LSAMP: variants seen among roughly 807,000 people sequenced by gnomAD.
LSAMP encodes the protein limbic system-associated membrane protein.
In LSAMP, 7 loss-of-function variants were observed where a neutral mutation model predicts 38.6. That is an observed-to-expected ratio of 0.18 (90% CI 0.10 to 0.34). LSAMP has a LOEUF of 0.34. Among genes scored for constraint, LSAMP ranks in the 10% least tolerant of loss-of-function variants. The probability of loss-of-function intolerance (pLI) is 1.00; values close to 1 mark genes in which losing one functional copy is unlikely to be tolerated. For synonymous variants in LSAMP, 154 were observed against 166.8 expected, an observed-to-expected ratio of 0.92 and a Z score of 0.59; for missense variants, 313 against 420.0, an observed-to-expected ratio of 0.75 and a Z score of 2.23.
chr3:115,827,858 C>A (rs1328707416), intron 6 of LSAMP, among the ~76,000 whole-genome samples: 1 of 152,176 alleles, frequency 6.6e-6, no homozygotes, highest in Non-Finnish European at 1.5e-5. Context: ...AGGTGTGTTT[C>A]TTCACAGCAG....
intron 1 of LSAMP, among the ~76,000 whole-genome samples, chr3:116,403,697 G>A (rs970833832): frequency 3.3e-5 from 5 of 151,830 alleles, no homozygotes; most frequent in African/African-American, 1.2e-4. Flanking sequence ...TCTCATACAT[G>A]ATTGATTAAC....
chr3:116,366,035 A>AAG (rs2048348332), intron 1 of LSAMP, among the ~76,000 whole-genome samples: 2 of 144,720 alleles, frequency 1.4e-5, no homozygotes, highest in Non-Finnish European at 3.0e-5. Context: ...AAAAAAAAAA[A>AAG]AAAAGAACTT....
chr3:116,145,422 C>T (rs1709468861), intron 1 of LSAMP, among the ~76,000 whole-genome samples: 1 of 151,888 alleles, frequency 6.6e-6, no homozygotes, highest in South Asian at 2.1e-4. Context: ...GGCCAACAGT[C>T]TAAAAATTCC....
chr3:116,138,264 C>T (rs1478132412), intron 1 of LSAMP, among the ~76,000 whole-genome samples: 1 of 152,044 alleles, frequency 6.6e-6, no homozygotes, highest in Non-Finnish European at 1.5e-5. Context: ...CATTGAGCTC[C>T]TATTCTACAC....
chr3:115,980,012 C>A (rs1576279345), intron 3 of LSAMP, among the ~76,000 whole-genome samples: 2 of 152,150 alleles, frequency 1.3e-5, no homozygotes, highest in South Asian at 4.1e-4. Flanking sequence ...CTAAAGTCAA[C>A]TTGTATTTGA....
chr3:116,024,011 T>C (rs1438400399), intron 2 of LSAMP, among the ~76,000 whole-genome samples: 4 of 152,184 alleles, frequency 2.6e-5, no homozygotes, highest in Non-Finnish European at 5.9e-5. Context: ...GTCTCCTTAC[T>C]TGTTTACGAA....
rs748602836 is a variant in LSAMP, at chr3:115,807,632, T to C, written c.*2685A>G. 1.3e-5 allele frequency: 2 copies of C among 152,188 alleles called. No homozygotes were observed. The highest frequency in any genetic ancestry group is 2.9e-5 in the Non-Finnish European group (2 of 68,024). 9.4% of individuals were successfully genotyped at this position (152,188 alleles called of 1,614,324 possible). ...CATCCAACTTCTAACAACATCCAAC[T>C]TAACTCCTACTTTTCTCTTCCTGTA... On this transcript the variant is annotated 3_prime_UTR_variant, in exon 7 of 7. Transcript: ENST00000490035.
intron 1 of LSAMP, among the ~76,000 whole-genome samples, chr3:116,168,249 G>T (rs1369175785): frequency 3.3e-5 from 5 of 152,106 alleles, no homozygotes; most frequent in Non-Finnish European, 5.9e-5. Flanking sequence ...CTGACCAATG[G>T]ATCTGTCAGG....
At chr3:115,975,029 T>C (rs2107617412) in intron 3 of LSAMP, among the ~76,000 whole-genome samples, 1 of 152,230 alleles carries the variant, frequency 6.6e-6, no homozygotes, top group Non-Finnish European at 1.5e-5. Context: ...TGTTGGAGGT[T>C]TACAATGTGG....
intron 1 of LSAMP, among the ~76,000 whole-genome samples, chr3:116,441,963 T>C (rs1712998): frequency 0.034 from 5,155 of 152,270 alleles, 278 homozygotes; most frequent in African/African-American, 0.12. Context: ...CACAGGTCTG[T>C]AATCTCCTCT....
chr3:116,260,313 C>G (rs1395665633), intron 1 of LSAMP, among the ~76,000 whole-genome samples: 1 of 152,074 alleles, frequency 6.6e-6, no homozygotes, highest in Non-Finnish European at 1.5e-5. Flanking sequence ...CCAGGAGTCT[C>G]TCTTCTCTCC....
At chr3:115,943,715 G>C (rs1034635343) in intron 3 of LSAMP, among the ~76,000 whole-genome samples, 9 of 152,182 alleles carry the variant, frequency 5.9e-5, no homozygotes, top group Non-Finnish European at 1.2e-4. Context: ...GAACTAAACT[G>C]TACACGTGGA....
At chr3:115,818,822 A>ATATATATAT (rs55828725) in intron 6 of LSAMP, among the ~76,000 whole-genome samples, 44 of 125,128 alleles carry the variant, frequency 3.5e-4, no homozygotes, top group Non-Finnish European at 5.6e-4. Flanking sequence ...ATATATATAT[A>ATATATATAT]ACTGCAGCAA....
chr3:115,811,718 A>G (rs1038679588), intron 6 of LSAMP, among the ~76,000 whole-genome samples: 16 of 152,200 alleles, frequency 1.1e-4, no homozygotes, highest in Admixed American at 3.3e-4. Context: ...CTCCTAATCT[A>G]TGCTTTATGT....
At chr3:116,272,420 G>A (rs982787405) in intron 1 of LSAMP, among the ~76,000 whole-genome samples, 14 of 152,090 alleles carry the variant, frequency 9.2e-5, no homozygotes, top group East Asian at 5.8e-4. Flanking sequence ...TGCACTTATC[G>A]AAGCACTGAT....
chr3:116,314,365 T>C (rs1227106754), intron 1 of LSAMP, among the ~76,000 whole-genome samples: 1 of 152,176 alleles, frequency 6.6e-6, no homozygotes, highest in Admixed American at 6.5e-5. Flanking sequence ...CTTAGAAACA[T>C]GGCAAAAGAT....
chr3:116,323,383 T>A (rs1156915132), intron 1 of LSAMP, among the ~76,000 whole-genome samples: 1 of 152,114 alleles, frequency 6.6e-6, no homozygotes, highest in Admixed American at 6.6e-5. Context: ...AGTCATGGGT[T>A]CTTTGCATGA....
In LSAMP at chr3:115,886,818, C is replaced by A. The variant is rs377694946; in HGVS notation, c.515-34201G>T. ...TCATCTTAGGTTAACAATGTGTTAT[C>A]TTTTTTTCTGTATTTTGGAAATTGG... On this transcript the variant is annotated intron_variant, in intron 3 of 6. Transcript: ENST00000490035. Among the ~76,000 whole-genome samples, 8 of 151,962 alleles carry A rather than the reference C, an allele frequency of 5.3e-5. No individual in the cohort carries two copies. In the East Asian group the frequency reaches 1.4e-3, roughly 26 times the overall value.
At chr3:116,397,639 A>G (rs2048786389) in intron 1 of LSAMP, among the ~76,000 whole-genome samples, 1 of 152,128 alleles carries the variant, frequency 6.6e-6, no homozygotes, top group South Asian at 2.1e-4. Flanking sequence ...AATTATTTCA[A>G]CGAATGCACA....
Sources: allele counts gnomAD v4.1 joint callset (sites outside exome capture counted in the v4.1 genomes callset), GRCh38; gene constraint gnomAD v4.1.1; transcripts MANE v1.5; gene names NCBI Gene and HGNC (gene_info 2026-07-23, HGNC 2026-07-21).